ADIPOR2: variants seen among roughly 807,000 people sequenced by gnomAD.
The protein encoded by ADIPOR2 is adiponectin receptor 2, also known as adiponectin receptor protein 2.
In ADIPOR2, 18 loss-of-function variants were observed where a neutral mutation model predicts 40.9. The ratio of observed to expected loss-of-function variants is 0.44; its 90% confidence interval spans 0.30 to 0.65. ADIPOR2 has a LOEUF of 0.65. Among genes scored for constraint, ADIPOR2 ranks in the 30% least tolerant of loss-of-function variants. The pLI, the probability that ADIPOR2 is intolerant of heterozygous loss-of-function variation, is 0.09. For synonymous variants in ADIPOR2, 165 were observed against 166.4 expected, an observed-to-expected ratio of 0.99 and a Z score of 0.06; for missense variants, 283 against 479.2, an observed-to-expected ratio of 0.59 and a Z score of 3.82.
chr12:1,693,185 TA>T (rs1436954246), intron 1 of ADIPOR2, among the ~76,000 whole-genome samples: 2 of 152,110 alleles, frequency 1.3e-5, no homozygotes, highest in African/African-American at 4.8e-5. Flanking sequence ...AAGTTTTTAT[TA>T]GAACATAGCC....
At chr12:1,710,899 A>G (rs1387214360) in intron 1 of ADIPOR2, among the ~76,000 whole-genome samples, 1 of 152,128 alleles carries the variant, frequency 6.6e-6, no homozygotes, top group African/African-American at 2.4e-5. Flanking sequence ...AAATTTGACA[A>G]GGAGTTTAAA....
rs570183796 is a variant in ADIPOR2, at chr12:1,758,952, C to T, written c.171+4438C>T. 5.2e-4 allele frequency among the ~76,000 whole-genome samples: 79 copies of T among 152,200 alleles called. No individual in the cohort carries two copies. In the South Asian group the frequency reaches 0.016, roughly 30 times the overall value. On this transcript the variant is annotated intron_variant, in intron 2 of 7. Transcript: ENST00000357103. ...TAGAAAGGTTAGTTTAGGAATTTGC[C>T]CAAGGTAACATGACAAGATGAGAGC... is the stretch of plus-strand genomic sequence containing the variant.
At chr12:1,782,294 T>C (rs1225460013) in intron 6 of ADIPOR2, among the ~76,000 whole-genome samples, 2 of 152,242 alleles carry the variant, frequency 1.3e-5, no homozygotes, top group African/African-American at 4.8e-5. Context: ...TGTGCTTACA[T>C]ATATTGCTGT....
intron 1 of ADIPOR2, among the ~76,000 whole-genome samples, chr12:1,748,025 T>C (rs530173277): frequency 5.9e-5 from 9 of 152,284 alleles, no homozygotes; most frequent in South Asian, 2.1e-4. Context: ...TCTACCACTT[T>C]TTCTCCTCTC....
intron 1 of ADIPOR2, among the ~76,000 whole-genome samples, chr12:1,742,456 A>G (rs1433352198): frequency 6.6e-6 from 1 of 152,180 alleles, no homozygotes; most frequent in Non-Finnish European, 1.5e-5. Flanking sequence ...AAGGCAGGTA[A>G]CCACTAGATG....
intron 1 of ADIPOR2, among the ~76,000 whole-genome samples, chr12:1,729,991 C>T (rs116447964): frequency 2.1e-3 from 326 of 151,864 alleles, no homozygotes; most frequent in African/African-American, 7.5e-3. Flanking sequence ...GAAGGCATAC[C>T]GGAAGGGAAC....
At chr12:1,756,049 GA>G (rs1685207562) in intron 2 of ADIPOR2, among the ~76,000 whole-genome samples, 1 of 152,048 alleles carries the variant, frequency 6.6e-6, no homozygotes, top group South Asian at 2.1e-4. Flanking sequence ...CCAAAGGTGG[GA>G]ATATGCTTAT....
At chr12:1,720,437 A>AATATATATATATATGAATATAAATAT (rs2094695633) in intron 1 of ADIPOR2, among the ~76,000 whole-genome samples, 1 of 152,200 alleles carries the variant, frequency 6.6e-6, no homozygotes, top group African/African-American at 2.4e-5. Context: ...TATATAATGA[A>AATATATATATATATGAATATAAATAT]ATAATTATAT....
intron 1 of ADIPOR2, among the ~76,000 whole-genome samples, chr12:1,704,248 A>G (rs767928130): frequency 9.2e-5 from 14 of 152,022 alleles, no homozygotes; most frequent in Admixed American, 7.9e-4. Context: ...AGGCTGCTTC[A>G]TATATTCAAG....
intron 1 of ADIPOR2, among the ~76,000 whole-genome samples, chr12:1,699,967 G>A (rs1316196935): frequency 6.6e-6 from 1 of 152,196 alleles, no homozygotes; most frequent in Non-Finnish European, 1.5e-5. Flanking sequence ...AGAAGGAAAA[G>A]GGAAGCTAAA....
intron 1 of ADIPOR2, among the ~76,000 whole-genome samples, chr12:1,710,326 C>T (rs757619959): frequency 2.0e-5 from 3 of 152,248 alleles, no homozygotes; most frequent in East Asian, 1.9e-4. Context: ...TCTTTGGGTC[C>T]GTGCCACCTT....
In ADIPOR2 at chr12:1,784,041, G is replaced by A. The variant is rs777599853; in HGVS notation, c.1000G>A (p.Glu334Lys). 1.2e-6 allele frequency: 2 copies of A among 1,602,062 alleles called. No individual in the cohort carries two copies. Among genetic ancestry groups the A allele is most frequent in the East Asian group, 2.2e-5 (1 of 44,486 alleles). Residue 334 changes from glutamate (E) to lysine (K), a missense_variant, in exon 7 of 8, where the codon GAA becomes AAA. Physicochemically the swap from Glu to Lys is moderately conservative, Grantham distance 56 (BLOSUM62 1). This residue lies in a region of ADIPOR2 where 106 missense variants were observed against 149.7 expected (regional missense o/e 0.71). Transcript: ENST00000357103. ...TGCCCTGTATGCTGCCCGGATCCCC[G>A]AACGCTTTTTCCCTGGCAAATGTGA... The part of the protein sequence containing the change: ...GAALYAARIP[E>K]RFFPGKCDIW...
chr12:1,763,221 T>C (rs1218922594), intron 2 of ADIPOR2, among the ~76,000 whole-genome samples: 5 of 152,362 alleles, frequency 3.3e-5, no homozygotes, highest in Non-Finnish European at 5.9e-5. Flanking sequence ...ATCTGTATTT[T>C]TCACAAGTTC....
At chr12:1,698,455 C>T (rs914474955) in intron 1 of ADIPOR2, among the ~76,000 whole-genome samples, 17 of 152,154 alleles carry the variant, frequency 1.1e-4, no homozygotes, top group African/African-American at 4.1e-4. Flanking sequence ...CTCCTGGACT[C>T]AAGTGATCCT....
intron 1 of ADIPOR2, among the ~76,000 whole-genome samples, chr12:1,753,863 C>G (rs1272780554): frequency 2.0e-5 from 3 of 151,870 alleles, no homozygotes; most frequent in African/African-American, 7.3e-5. Flanking sequence ...TTAAATTAAA[C>G]AAGTAATATG....
intron 2 of ADIPOR2, among the ~76,000 whole-genome samples, chr12:1,763,697 G>A (rs1862315333): frequency 6.6e-6 from 1 of 152,178 alleles, no homozygotes; most frequent in Non-Finnish European, 1.5e-5. Context: ...TCCAGGAATG[G>A]CTGGACCTGG....
chr12:1,695,123 C>G (rs530385599), intron 1 of ADIPOR2, among the ~76,000 whole-genome samples: 1 of 151,872 alleles, frequency 6.6e-6, no homozygotes, highest in Admixed American at 6.6e-5. Context: ...TCAAGCGATC[C>G]TCCCACCTTA....
intron 1 of ADIPOR2, among the ~76,000 whole-genome samples, chr12:1,723,594 C>T (rs115225270): frequency 0.045 from 6,782 of 151,726 alleles, 251 homozygotes; most frequent in East Asian, 0.18. Context: ...GAGCCAAGAT[C>T]GTGTCACTGC....
At chr12:1,726,630 TCA>T (rs1260523523) in intron 1 of ADIPOR2, among the ~76,000 whole-genome samples, 11 of 152,028 alleles carry the variant, frequency 7.2e-5, no homozygotes, top group African/African-American at 2.4e-4. Context: ...TCAGAATTCT[TCA>T]CAGTGATCCT....
Sources: allele counts gnomAD v4.1 joint callset (sites outside exome capture counted in the v4.1 genomes callset), GRCh38; gene constraint gnomAD v4.1.1; regional missense constraint gnomAD v4.1.1; transcripts MANE v1.5; gene names NCBI Gene and HGNC (gene_info 2026-07-23, HGNC 2026-07-21).